STPG2: variants seen among roughly 807,000 people sequenced by gnomAD.
STPG2 encodes sperm-tail PG-rich repeat-containing protein 2.
Under a neutral mutation model 54.2 loss-of-function variants are expected in STPG2, and 56 were observed. That is an observed-to-expected ratio of 1.03 (90% confidence interval 0.83 to 1.29). STPG2 has a LOEUF of 1.29. Ranked by LOEUF, STPG2 falls within the 50% of genes most tolerant of loss-of-function variation. The pLI is 0.00. For missense variants in STPG2, 596 were observed against 544.9 expected (o/e 1.09, Z -0.93); for synonymous variants, 200 against 181.8 (o/e 1.10, Z -0.81).
chr4:97,775,267 A>G (rs190545497), intron 9 of STPG2, among the ~76,000 whole-genome samples: 37 of 152,282 alleles, frequency 2.4e-4, no homozygotes, highest in African/African-American at 8.4e-4. Flanking sequence ...GAAGGTGAAG[A>G]GAATAGGATA....
chr4:98,103,696 T>C (rs1055225330), intron 5 of STPG2, among the ~76,000 whole-genome samples: 48 of 150,206 alleles, frequency 3.2e-4, no homozygotes, highest in African/African-American at 1.2e-3. Flanking sequence ...ATTTCTATAA[T>C]CTTTCATTTT....
chr4:97,537,942 G>A lies in STPG2; in HGVS notation c.462+174757C>T, dbSNP rs547501336. Among the ~76,000 whole-genome samples, 3 of 152,310 alleles carry A rather than the reference G, an allele frequency of 2.0e-5. No homozygotes were observed. The South Asian group carries it at 6.2e-4, about 32-fold the overall frequency. The stretch of plus-strand genomic sequence containing the variant: ...GATACCCAGGCAAACAGGGTCTGGA[G>A]TGGACCTCCAGCAAACTCCAACAGA... On this transcript the variant is annotated intron_variant, in intron 4 of 4. Transcript: ENST00000522676.
At chr4:97,905,718 G>A (rs892910210) in intron 8 of STPG2, among the ~76,000 whole-genome samples, 4 of 151,996 alleles carry the variant, frequency 2.6e-5, no homozygotes, top group African/African-American at 7.3e-5. Flanking sequence ...CCCATCTCAC[G>A]TGCAGAGACA....
chr4:97,842,114 A>C (rs1441666515), intron 8 of STPG2, among the ~76,000 whole-genome samples: 1 of 151,768 alleles, frequency 6.6e-6, no homozygotes, highest in Non-Finnish European at 1.5e-5. Context: ...CCATATTATC[A>C]CCCTCAAGCA....
intron 5 of STPG2, among the ~76,000 whole-genome samples, chr4:98,021,125 A>G (rs931918627): frequency 1.1e-3 from 169 of 151,276 alleles, no homozygotes; most frequent in African/African-American, 3.9e-3. Flanking sequence ...TGTCAATTTT[A>G]GATCTTTCCT....
chr4:97,571,226 G>T (rs1018059153), intron 10 of STPG2, among the ~76,000 whole-genome samples: 3 of 152,042 alleles, frequency 2.0e-5, no homozygotes, highest in Admixed American at 2.0e-4. Flanking sequence ...CTGTAAATAT[G>T]TGAAATTCAA....
chr4:97,944,626 TA>T (rs1423644935), intron 7 of STPG2, among the ~76,000 whole-genome samples: 2 of 152,184 alleles, frequency 1.3e-5, no homozygotes, highest in Non-Finnish European at 2.9e-5. Flanking sequence ...ATCCTTTGTA[TA>T]TGCAAAAGGG....
chr4:97,592,771 T>C (rs1404597456), intron 10 of STPG2, among the ~76,000 whole-genome samples: 1 of 152,042 alleles, frequency 6.6e-6, no homozygotes, highest in Non-Finnish European at 1.5e-5. Flanking sequence ...GTGAGTTAAA[T>C]AGGCAAGATG....
intron 10 of STPG2, among the ~76,000 whole-genome samples, chr4:97,680,480 G>A (rs574537591): frequency 1.3e-5 from 2 of 152,210 alleles, no homozygotes; most frequent in East Asian, 3.9e-4. Flanking sequence ...CATTGATTTT[G>A]TATCCTGAGA....
At chr4:97,926,962 T>G (rs1732352843) in intron 8 of STPG2, among the ~76,000 whole-genome samples, 1 of 152,080 alleles carries the variant, frequency 6.6e-6, no homozygotes, top group South Asian at 2.1e-4. Context: ...CACTTAATTC[T>G]TACCATGGCC....
At chr4:97,511,058 C>T (rs1730961471) in intron 4 of STPG2, among the ~76,000 whole-genome samples, 1 of 151,836 alleles carries the variant, frequency 6.6e-6, no homozygotes, top group Admixed American at 6.6e-5. Flanking sequence ...GTGAAAATGC[C>T]AAAGTACATG....
intron 4 of STPG2, among the ~76,000 whole-genome samples, chr4:97,477,076 G>C (rs938459936): frequency 8.5e-5 from 13 of 152,206 alleles, no homozygotes; most frequent in Non-Finnish European, 1.0e-4. Context: ...ATTGGGTTGT[G>C]AACAGTTACT....
chr4:98,026,388 G>A, intron 5 of STPG2: 1 of 422,064 alleles, frequency 2.4e-6, no homozygotes, highest in Non-Finnish European at 4.2e-6. Flanking sequence ...TATCCTCTTT[G>A]GCCTAGGTTT....
intron 10 of STPG2, among the ~76,000 whole-genome samples, chr4:97,588,945 T>C (rs1733068209): frequency 6.6e-6 from 1 of 152,130 alleles, no homozygotes; most frequent in Admixed American, 6.6e-5. Flanking sequence ...TTTGGAATTA[T>C]ACCTCTACTT....
chr4:98,048,514 G>T (rs959603574), intron 5 of STPG2: 4 of 159,220 alleles, frequency 2.5e-5, no homozygotes, highest in African/African-American at 2.4e-5. Context: ...GTGCTCTCTT[G>T]TTCCCTGGGC....
At chr4:98,120,491 G>C (rs777173817) in intron 3 of STPG2, among the ~76,000 whole-genome samples, 36 of 152,162 alleles carry the variant, frequency 2.4e-4, no homozygotes, top group Non-Finnish European at 4.7e-4. Flanking sequence ...TCACCACACT[G>C]TCTTCCACAA....
intron 8 of STPG2, among the ~76,000 whole-genome samples, chr4:97,895,941 G>A (rs1244030853): frequency 1.3e-5 from 2 of 151,890 alleles, no homozygotes; most frequent in South Asian, 2.1e-4. Context: ...ATAACATCAA[G>A]TGTGAACACA....
chr4:97,571,726 A>G (rs1282239111), intron 10 of STPG2, among the ~76,000 whole-genome samples: 1 of 152,150 alleles, frequency 6.6e-6, no homozygotes, highest in Non-Finnish European at 1.5e-5. Flanking sequence ...CCTCCCTAAA[A>G]TGTATCAAAC....
chr4:97,742,458 T>G (rs1160078128), intron 9 of STPG2, among the ~76,000 whole-genome samples: 1 of 151,278 alleles, frequency 6.6e-6, no homozygotes, highest in African/African-American at 2.4e-5. Context: ...ATTTTGGCAT[T>G]GTTCACAATA....
Sources: allele counts gnomAD v4.1 joint callset (sites outside exome capture counted in the v4.1 genomes callset), GRCh38; gene constraint gnomAD v4.1.1; transcripts MANE v1.5; gene names NCBI Gene and HGNC (gene_info 2026-07-23, HGNC 2026-07-21).